The following TASOR2 variants were observed in gnomAD, a reference collection of about 807,000 sequenced individuals.
TASOR2 encodes the protein protein TASOR 2.
TASOR2 carries 84 observed loss-of-function variants against 199.5 expected under a neutral mutation model. The observed-to-expected ratio is 0.42, with a 90% CI of 0.35 to 0.50. The LOEUF (loss-of-function observed/expected upper bound fraction) is 0.50, where lower values mean the gene tolerates loss of function less well. TASOR2 is among the 20% of genes least tolerant of loss of function. TASOR2 has a pLI of 0.02. For synonymous variants in TASOR2, 1,103 were observed against 1,046.6 expected (o/e 1.05, Z -1.04); for missense variants, 2,796 against 2,835.9 (o/e 0.99, Z 0.32).
Position 5,737,155 on chromosome 10 carries a change from TA to T in TASOR2, c.1447+1611del, listed in dbSNP as rs1835731044. Among the ~76,000 whole-genome samples the T allele has an allele frequency of 6.6e-6, 1 of 152,136 alleles. No individual in the cohort carries two copies. The highest frequency in any genetic ancestry group is 1.5e-5 in the Non-Finnish European group (1 of 68,014). ...TTGTATTTTTAGTAGAGATGGGGTT[TA>T]ACCATTTTGGCCAGGATAGTCTCAA... On this transcript the variant is annotated intron_variant, in intron 12 of 20. Transcript: ENST00000328090. This position sits in a 1 kb window ranked among gnomAD's most constrained non-coding sequence, Gnocchi z 4.9.
rs1325870822 is a variant in TASOR2, at chr10:5,723,619, A to C, written c.147-58A>C. ...CATTTATATTAGAAAACCAAAACTTAAGAAAATTTAGATCCACTGTTTATT... is the reference window on the plus strand; with the variant it reads ...CATTTATATTAGAAAACCAAAACTTCAGAAAATTTAGATCCACTGTTTATT... On this transcript the variant is annotated intron_variant, in intron 6 of 20. Coordinates refer to ENST00000328090, the Ensembl canonical transcript of TASOR2. The C allele has an allele frequency of 6.1e-6, 7 of 1,142,080 alleles. No individual in the cohort carries two copies. The African/African-American group carries it at 1.1e-4, about 18-fold the overall frequency. The allele number at this position is 1,142,080 out of a possible 1,614,324, so 70.7% of individuals were successfully genotyped here. A position where few individuals can be genotyped will look rare whatever the true frequency, so the allele number is the denominator to read the frequency against.
intron 1 of TASOR2, among the ~76,000 whole-genome samples, chr10:5,696,873 A>T (rs896328244): frequency 6.8e-6 from 1 of 147,114 alleles, no homozygotes; most frequent in Admixed American, 6.6e-5. Flanking sequence ...AAGTTTATAT[A>T]AAAAAAACTG....
chr10:5,761,799 C>T (rs928128154), intron 19 of TASOR2: 199 of 169,574 alleles, frequency 1.2e-3, no homozygotes, highest in African/African-American at 4.5e-3. Flanking sequence ...TTTGGGAGGC[C>T]GAGGCGGGCG....
intron 1 of TASOR2, among the ~76,000 whole-genome samples, chr10:5,697,911 A>G (rs571044838): frequency 2.0e-5 from 3 of 152,094 alleles, no homozygotes; most frequent in Non-Finnish European, 4.4e-5. Context: ...CTTTTATATT[A>G]TTTTTATTAT....
At chr10:5,712,677 A>G in intron 1 of TASOR2, 146 bp from the exon 2 acceptor site, 3 of 799,356 alleles carry the variant, frequency 3.8e-6, no homozygotes, top group Non-Finnish European at 5.1e-6. Context: ...AGTCACTTGG[A>G]AGGTAATTAT....
rs1836200024 is a variant in TASOR2 at position 5,689,599 on chromosome 10, C to CA, written c.-288+4431dup. 6.6e-6 allele frequency among the ~76,000 whole-genome samples: 1 copy of CA among 151,456 alleles called. No individual in the cohort carries two copies. Among genetic ancestry groups the CA allele is most frequent in the African/African-American group, 2.4e-5 (1 of 41,284 alleles). On this transcript the variant is annotated intron_variant, in intron 1 of 20. Coordinates refer to ENST00000328090, the Ensembl canonical transcript of TASOR2. This position sits in a 1 kb window ranked among gnomAD's most constrained non-coding sequence, Gnocchi z 4.1. ...TGGGCGACAGAGCAAGACTCCATCT[C>CA]AAAAAAACAAAAAAACAAGCATGTA... is the stretch of plus-strand genomic sequence containing the variant.
chr10:5,727,616 A>C (rs531496561), intron 10 of TASOR2, among the ~76,000 whole-genome samples: 56 of 152,284 alleles, frequency 3.7e-4, no homozygotes, highest in African/African-American at 1.3e-3. Context: ...TCTGGTATTA[A>C]AATTTTGGAG....
chr10:5,746,329 G>T (rs1201109753), exon 15 of TASOR2: 1 of 1,613,964 alleles, frequency 6.2e-7, no homozygotes, highest in African/African-American at 1.3e-5. Flanking sequence ...TTCTTACAGT[G>T]GCACTGTTAC....
intron 1 of TASOR2, among the ~76,000 whole-genome samples, chr10:5,702,744 G>C (rs12219897): frequency 1.4e-5 from 2 of 142,642 alleles, no homozygotes; most frequent in Non-Finnish European, 3.0e-5. Context: ...CGATTCCGTA[G>C]AATACATAAT....
At chr10:5,691,716 G>A (rs188682655) in intron 1 of TASOR2, among the ~76,000 whole-genome samples, 5 of 152,248 alleles carry the variant, frequency 3.3e-5, no homozygotes, top group African/African-American at 4.8e-5. Flanking sequence ...AAAACATAAT[G>A]AGTAAAGATG....
intron 6 of TASOR2, among the ~76,000 whole-genome samples, chr10:5,723,280 C>T (rs1833623538): frequency 6.6e-6 from 1 of 151,878 alleles, no homozygotes; most frequent in Admixed American, 6.5e-5. Flanking sequence ...TGGTCTCCAT[C>T]TCCTGACCTT....
In TASOR2 at chr10:5,756,721, T is replaced by C. The variant is rs780904475; in HGVS notation, c.6715T>C (p.Ser2239Pro). 1.9e-6 allele frequency: 3 copies of C among 1,612,608 alleles called. 1 individual carries two copies. The South Asian group carries it at 3.3e-5, about 18-fold the overall frequency. ...CATCATCATCAGAAATGAAGATATA[T>C]CATCACATTTGCATCAGGTCGGTTG... is the stretch of plus-strand genomic sequence containing the variant. Residue 2239 changes from serine (S) to proline (P), a missense_variant, in exon 16 of 21, where the codon TCA becomes CCA. Physicochemically the swap from Ser to Pro is moderately conservative, Grantham distance 74. Coordinates refer to ENST00000328090, the Ensembl canonical transcript of TASOR2.
At position 5,726,962 on chromosome 10, in the gene TASOR2, G is replaced by A. The variant is rs1379183178; in HGVS notation, c.424+5G>A. Reference sequence around the variant, plus strand: ...CAGCCTTACTATCAGAACCAGGTATGGAGAACTGTTTTGGGAAAAAATATT... The same window carrying A: ...CAGCCTTACTATCAGAACCAGGTATAGAGAACTGTTTTGGGAAAAAATATT... On this transcript the variant is annotated splice_donor_5th_base_variant and intron_variant, in intron 9 of 20. Transcript: ENST00000328090. The A allele has an allele frequency of 1.9e-6, 3 of 1,613,740 alleles. No individual in the cohort carries two copies. The highest frequency in any genetic ancestry group is 4.5e-5 in the East Asian group (2 of 44,876).
intron 1 of TASOR2, among the ~76,000 whole-genome samples, chr10:5,693,627 T>A (rs2131498445): frequency 6.6e-6 from 1 of 152,340 alleles, no homozygotes; most frequent in African/African-American, 2.4e-5. Flanking sequence ...ACCTCATCCC[T>A]GGAGGAGGGG....
At chr10:5,723,043 C>CTTTTTTTTTT (rs1183983010) in intron 6 of TASOR2, among the ~76,000 whole-genome samples, 3 of 72,896 alleles carry the variant, frequency 4.1e-5, no homozygotes, top group African/African-American at 5.5e-5. Flanking sequence ...CAGGAAATAA[C>CTTTTTTTTTT]TTTTTTTTTT....
At chr10:5,705,204 T>G (rs1838426983) in intron 1 of TASOR2, among the ~76,000 whole-genome samples, 1 of 152,246 alleles carries the variant, frequency 6.6e-6, no homozygotes, top group South Asian at 2.1e-4. Flanking sequence ...AAATGCTTTT[T>G]ATCACTATAG....
Position 5,720,310 on chromosome 10 carries a change from A to G in TASOR2, c.-99-234A>G. 1 of 985,376 alleles carries G rather than the reference A, an allele frequency of 1.0e-6. No individual in the cohort carries two copies. Among genetic ancestry groups the G allele is most frequent in the Non-Finnish European group, 1.2e-6 (1 of 829,870 alleles). The allele number at this position is 985,376 out of a possible 1,614,324, so 61.0% of individuals were successfully genotyped here. ...ATTATACAACTAACTATACTAAGCC[A>G]TCTTCTGGCTATGATTGCCACGTGT... On this transcript the variant is annotated intron_variant, in intron 3 of 20. Transcript: ENST00000328090. The surrounding 1 kb of genome is among the most constrained non-coding windows in gnomAD (Gnocchi z 5.3).
rs1319203633 is a variant in TASOR2, at chr10:5,730,173, T to C, written c.488-314T>C. On this transcript the variant is annotated intron_variant, in intron 10 of 20. Transcript: ENST00000328090. The surrounding 1 kb of genome is among the most constrained non-coding windows in gnomAD (Gnocchi z 4.1). The stretch of plus-strand genomic sequence containing the variant: ...CCAGTGGTACTGCTGTGATGAACCA[T>C]TGAGCTCATGAGCTCCTTGTTAGGT... Among the ~76,000 whole-genome samples the C allele has an allele frequency of 3.9e-5, 6 of 152,340 alleles. No homozygotes were observed. The highest frequency in any genetic ancestry group is 3.4e-3 in the Middle Eastern group (1 of 294).
intron 14 of TASOR2, among the ~76,000 whole-genome samples, chr10:5,744,395 C>G (rs1257555761): frequency 6.6e-6 from 1 of 152,182 alleles, no homozygotes; most frequent in African/African-American, 2.4e-5. Context: ...CTTCACCTCC[C>G]TGGTTCAACT....
Sources: allele counts gnomAD v4.1 joint callset (sites outside exome capture counted in the v4.1 genomes callset), GRCh38; gene constraint gnomAD v4.1.1; non-coding constraint Gnocchi (gnomAD v3.1); transcripts MANE v1.5; gene names NCBI Gene and HGNC (gene_info 2026-07-23, HGNC 2026-07-21).